The following MCC variants were observed in gnomAD, a reference collection of about 807,000 sequenced individuals.
MCC encodes colorectal mutant cancer protein.
MCC carries 90 observed loss-of-function variants against 116.2 expected under a neutral mutation model. The ratio of observed to expected loss-of-function variants is 0.77; its 90% CI spans 0.65 to 0.92. The LOEUF is 0.92. MCC is among the 40% of genes least tolerant of loss of function. MCC has a pLI of 0.00. For missense variants in MCC, 1,516 were observed against 1,312.2 expected (o/e 1.16, Z -2.40); for synonymous variants, 578 against 510.5 (o/e 1.13, Z -1.78).
intron 1 of MCC, chr5:113,400,145 T>C (rs1441646813): frequency 2.3e-4 from 27 of 118,590 alleles, no homozygotes; most frequent in Non-Finnish European, 4.3e-4. Context: ...TTTTTTGAGA[T>C]GGAGTCTTAC....
intron 5 of MCC, among the ~76,000 whole-genome samples, chr5:113,138,285 A>G (rs1758960411): frequency 1.3e-5 from 2 of 152,202 alleles, no homozygotes; most frequent in East Asian, 3.9e-4. Flanking sequence ...TGCTGGGATT[A>G]TAGGCATGAG....
At chr5:113,249,139 G>GCTCGCTCT (rs1554070876) in intron 3 of MCC, among the ~76,000 whole-genome samples, 1 of 149,274 alleles carries the variant, frequency 6.7e-6, no homozygotes, top group Non-Finnish European at 1.5e-5. Flanking sequence ...ACCGCACCCA[G>GCTCGCTCT]CTCTCTCTCT....
chr5:113,264,310 G>A, intron 3 of MCC, among the ~76,000 whole-genome samples: 1 of 152,140 alleles, frequency 6.6e-6, no homozygotes, highest in East Asian at 1.9e-4. Flanking sequence ...CCTCCCCAGT[G>A]ATACAATGAG....
intron 6 of MCC, among the ~76,000 whole-genome samples, chr5:113,112,528 G>T (rs921050664): frequency 1.3e-5 from 2 of 152,192 alleles, no homozygotes; most frequent in African/African-American, 4.8e-5. Flanking sequence ...TTCCGGTACA[G>T]CCTGTGGAAC....
intron 12 of MCC, among the ~76,000 whole-genome samples, chr5:113,070,645 T>A (rs1016425581): frequency 6.6e-6 from 1 of 152,234 alleles, no homozygotes; most frequent in East Asian, 1.9e-4. Flanking sequence ...AGTCTAAATG[T>A]CTTTTAGAAA....
intron 1 of MCC, 35 bp from the exon 2 acceptor site, chr5:113,385,247 T>C (rs911806712): frequency 6.3e-7 from 1 of 1,597,602 alleles, no homozygotes; most frequent in Non-Finnish European, 8.6e-7. Context: ...AAATGTGTTA[T>C]GAGTGACATT....
intron 17 of MCC, among the ~76,000 whole-genome samples, chr5:113,039,169 G>A (rs375966875): frequency 2.0e-5 from 3 of 152,154 alleles, no homozygotes; most frequent in Admixed American, 6.5e-5. Flanking sequence ...CCTACTTCCT[G>A]CCTCCCAGCA....
intron 7 of MCC, 137 bp downstream of exon 7, chr5:113,104,055 G>A: frequency 1.2e-6 from 1 of 849,450 alleles, no homozygotes; most frequent in South Asian, 2.7e-5. Context: ...TCTACACCGT[G>A]GCTCAATCTA....
intron 2 of MCC, among the ~76,000 whole-genome samples, chr5:113,371,356 C>T (rs1489200856): frequency 6.6e-6 from 1 of 152,180 alleles, no homozygotes. Context: ...CTTATCTATC[C>T]TATACAGAGA....
At chr5:113,243,599 C>A (rs1388554055) in intron 3 of MCC, among the ~76,000 whole-genome samples, 3 of 152,218 alleles carry the variant, frequency 2.0e-5, no homozygotes, top group Non-Finnish European at 4.4e-5. Flanking sequence ...TTCATTCTGC[C>A]AAATGTTGGA....
chr5:113,091,308 C>T (rs1369134930), intron 8 of MCC, among the ~76,000 whole-genome samples: 2 of 152,270 alleles, frequency 1.3e-5, no homozygotes, highest in South Asian at 2.1e-4. Context: ...TGTAAATCGC[C>T]CAGTATCAAG....
At chr5:113,337,179 C>G (rs2150377609) in intron 3 of MCC, among the ~76,000 whole-genome samples, 1 of 152,188 alleles carries the variant, frequency 6.6e-6, no homozygotes, top group East Asian at 1.9e-4. Flanking sequence ...CATAGGACAT[C>G]TAGTGACTCA....
At chr5:113,050,619 G>T (rs1253376913) in intron 15 of MCC, among the ~76,000 whole-genome samples, 1 of 152,234 alleles carries the variant, frequency 6.6e-6, no homozygotes, top group Non-Finnish European at 1.5e-5. Flanking sequence ...CACGCCCAGA[G>T]CCTTCGGATC....
intron 1 of MCC, among the ~76,000 whole-genome samples, chr5:113,465,768 C>G (rs184328418): frequency 7.9e-4 from 120 of 152,134 alleles, no homozygotes; most frequent in African/African-American, 2.7e-3. Flanking sequence ...TCCAAACTCA[C>G]TAGGATTCAA....
chr5:113,076,611 G>C (rs533230123), intron 11 of MCC, among the ~76,000 whole-genome samples: 2 of 152,254 alleles, frequency 1.3e-5, no homozygotes, highest in East Asian at 3.9e-4. Context: ...AACAAATGCT[G>C]AGAGATTTTG....
chr5:113,178,317 C>G (rs946683665), intron 3 of MCC, among the ~76,000 whole-genome samples: 2 of 152,154 alleles, frequency 1.3e-5, no homozygotes, highest in African/African-American at 4.8e-5. Context: ...GCTTTCCTAG[C>G]AAGGTGGCTA....
At chr5:113,443,450 A>G (rs1771109098) in intron 1 of MCC, among the ~76,000 whole-genome samples, 1 of 152,160 alleles carries the variant, frequency 6.6e-6, no homozygotes, top group Non-Finnish European at 1.5e-5. Context: ...AAACAAAGAC[A>G]ATTTGACTTC....
intron 10 of MCC, among the ~76,000 whole-genome samples, chr5:113,083,754 C>CAAA (rs925380583): frequency 1.1e-4 from 17 of 152,020 alleles, no homozygotes; most frequent in Admixed American, 3.3e-4. Context: ...GTGCAAAAGA[C>CAAA]AAAGTTATTT....
intron 1 of MCC, among the ~76,000 whole-genome samples, chr5:113,413,871 C>T (rs1050056223): frequency 6.6e-6 from 1 of 152,206 alleles, no homozygotes; most frequent in East Asian, 1.9e-4. Flanking sequence ...GGTAGGGTGT[C>T]AATTTTAGAT....
Sources: gnomAD v4.1 joint callset for allele counts (sites outside exome capture counted in the v4.1 genomes callset) on GRCh38, gnomAD v4.1.1 for gene constraint, MANE v1.5 for transcripts, NCBI Gene and HGNC (gene_info 2026-07-23, HGNC 2026-07-21) for gene names.